MAPK6: variants seen among roughly 807,000 people sequenced by gnomAD.
MAPK6 encodes mitogen-activated protein kinase 6.
A neutral mutation model predicts 59.3 loss-of-function variants in MAPK6; 19 were observed. The ratio of observed to expected loss-of-function variants is 0.32; its 90% CI spans 0.22 to 0.47. The LOEUF (loss-of-function observed/expected upper bound fraction) is 0.47. MAPK6 is among the 20% of genes least tolerant of loss of function. The pLI is 1.00. For missense variants in MAPK6, 724 were observed against 847.9 expected (o/e 0.85, Z 1.81); for synonymous variants, 316 against 290.3 (o/e 1.09, Z -0.90).
At chr15:52,028,182 G>A (rs1416886820) in intron 1 of MAPK6, among the ~76,000 whole-genome samples, 3 of 151,954 alleles carry the variant, frequency 2.0e-5, no homozygotes, top group African/African-American at 7.3e-5. Flanking sequence ...TCGATCTCCT[G>A]ACCTTGTGAT....
chr15:52,053,980 T>C (rs1678643728), intron 3 of MAPK6, among the ~76,000 whole-genome samples: 1 of 152,080 alleles, frequency 6.6e-6, no homozygotes, highest in African/African-American at 2.4e-5. Context: ...CTTTTTCTTT[T>C]GTCTCTTTTG....
chr15:51,988,678 G>A (rs2057198598), intron 2 of MAPK6, among the ~76,000 whole-genome samples: 1 of 151,852 alleles, frequency 6.6e-6, no homozygotes, highest in South Asian at 2.1e-4. Context: ...GTTGCAATGA[G>A]CCAAGGCCAC....
At chr15:51,983,134 A>G (rs2057179671) in intron 1 of MAPK6, among the ~76,000 whole-genome samples, 1 of 152,210 alleles carries the variant, frequency 6.6e-6, no homozygotes, top group Non-Finnish European at 1.5e-5. Flanking sequence ...ATAGGAAAAC[A>G]GCCAAAAAAT....
chr15:52,064,522 A>G lies in MAPK6; in HGVS notation c.1688A>G (p.Lys563Arg), dbSNP rs759188992. ...LNSSVSQLEL[K>R]SLISKSVSQE... The stretch of plus-strand genomic sequence containing the variant: ...AGCTCAGTGTCCCAACTAGAATTGA[A>G]AAGTTTGATATCAAAGTCAGTAAGC... Residue 563 changes from lysine to arginine, a missense_variant, in exon 6 of 6, where the codon AAA (lysine) becomes AGA (arginine). Transcript: ENST00000261845. 4 of 1,609,436 alleles carry G rather than the reference A, an allele frequency of 2.5e-6. No homozygotes were observed. Among genetic ancestry groups the G allele is most frequent in the South Asian group, 2.2e-5 (2 of 90,418 alleles).
chr15:52,016,062 G>GCACACACACACA (rs1299801695), upstream of MAPK6, among the ~76,000 whole-genome samples: 6 of 59,100 alleles, frequency 1.0e-4, no homozygotes, highest in Non-Finnish European at 1.7e-4. Context: ...TCGCGCGCGC[G>GCACACACACACA]CGCGCGCGCA....
At chr15:52,045,522 C>G (rs571612911) in intron 1 of MAPK6, among the ~76,000 whole-genome samples, 16 of 152,272 alleles carry the variant, frequency 1.1e-4, no homozygotes, top group Non-Finnish European at 2.4e-4. Context: ...TCACAAAACT[C>G]AAGTTCTATA....
chr15:52,011,994 T>C (rs1452696190), intron 3 of MAPK6, among the ~76,000 whole-genome samples: 1 of 152,178 alleles, frequency 6.6e-6, no homozygotes, highest in Admixed American at 6.5e-5. Context: ...GTGGCCATTG[T>C]TTTCTGATTG....
rs79744942 is a variant in MAPK6, at chr15:52,058,810, G to A, written c.865+13G>A. ...ATTAGTCGAGAAGGTATTGTGACTCGAGAGTAACCCTCACGTTAATGCCTG... is the reference window on the plus strand; with the variant it reads ...ATTAGTCGAGAAGGTATTGTGACTCAAGAGTAACCCTCACGTTAATGCCTG... On this transcript the variant is annotated intron_variant, in intron 4 of 5. Transcript: ENST00000261845. The A allele has an allele frequency of 0.015, 23,342 of 1,602,090 alleles. 225 individuals carry two copies. The highest frequency in any genetic ancestry group is 0.017 in the Non-Finnish European group (20,042 of 1,172,772).
intron 3 of MAPK6, among the ~76,000 whole-genome samples, chr15:52,053,506 G>C (rs928355412): frequency 3.4e-4 from 51 of 152,104 alleles, no homozygotes; most frequent in African/African-American, 1.2e-3. Flanking sequence ...ACATAATTCT[G>C]AATACAAATA....
intron 1 of MAPK6, among the ~76,000 whole-genome samples, chr15:51,976,196 G>A (rs772112465): frequency 2.0e-5 from 3 of 150,046 alleles, no homozygotes; most frequent in Non-Finnish European, 4.4e-5. Flanking sequence ...AACCCGGGAG[G>A]CAGAGGTTGC....
intron 2 of MAPK6, among the ~76,000 whole-genome samples, chr15:52,000,271 G>A (rs1218346835): frequency 6.6e-6 from 1 of 152,132 alleles, no homozygotes; most frequent in African/African-American, 2.4e-5. Flanking sequence ...GTCTTCTGAA[G>A]CACAAAAGTT....
At chr15:51,996,656 A>G (rs1417653037) in intron 2 of MAPK6, among the ~76,000 whole-genome samples, 1 of 151,926 alleles carries the variant, frequency 6.6e-6, no homozygotes, top group Non-Finnish European at 1.5e-5. Context: ...TGGGCCTCCC[A>G]AAGCACTAAG....
chr15:51,999,435 A>C (rs1243387302), intron 2 of MAPK6, among the ~76,000 whole-genome samples: 1 of 152,158 alleles, frequency 6.6e-6, no homozygotes, highest in Non-Finnish European at 1.5e-5. Flanking sequence ...TCTTCTTTGG[A>C]GAAATGTCTA....
chr15:52,053,323 G>A lies in MAPK6; in HGVS notation c.700+3186G>A, dbSNP rs1470363027. ...ACTCCTAACCTGAAGTGATCTGCCCGCCTTGGCCTCCCAAAGTGCAAGGAT... is the reference window on the plus strand; with the variant it reads ...ACTCCTAACCTGAAGTGATCTGCCCACCTTGGCCTCCCAAAGTGCAAGGAT... On this transcript the variant is annotated intron_variant, in intron 3 of 5. Coordinates refer to ENST00000261845, the MANE Select transcript of MAPK6 (RefSeq NM_002748.4). 3.9e-5 allele frequency among the ~76,000 whole-genome samples: 6 copies of A among 152,112 alleles called. No individual in the cohort carries two copies. In the East Asian group the frequency reaches 7.7e-4, roughly 20 times the overall value.
At chr15:52,023,000 A>T (rs1301481087) in intron 1 of MAPK6, among the ~76,000 whole-genome samples, 1 of 143,512 alleles carries the variant, frequency 7.0e-6, no homozygotes, top group Non-Finnish European at 1.5e-5. Context: ...CCAGCTACTC[A>T]GGAGGCTGAG....
intron 1 of MAPK6, among the ~76,000 whole-genome samples, chr15:51,978,384 T>G (rs2057163173): frequency 6.6e-6 from 1 of 151,954 alleles, no homozygotes; most frequent in Non-Finnish European, 1.5e-5. Flanking sequence ...TCCACCGGCC[T>G]TGGCCTCCCA....
intron 1 of MAPK6, among the ~76,000 whole-genome samples, chr15:52,044,439 C>G (rs1168913096): frequency 6.6e-6 from 1 of 152,142 alleles, no homozygotes; most frequent in Admixed American, 6.5e-5. Context: ...ATCAGGTTTG[C>G]TCCTGCCTAG....
At chr15:52,005,671 A>T (rs2057256434) in intron 3 of MAPK6, among the ~76,000 whole-genome samples, 1 of 152,092 alleles carries the variant, frequency 6.6e-6, no homozygotes, top group Non-Finnish European at 1.5e-5. Flanking sequence ...ACATTATCTC[A>T]TGTATTCCTT....
chr15:52,047,373 TCTCA>T (rs2031625904), intron 2 of MAPK6, among the ~76,000 whole-genome samples: 1 of 152,054 alleles, frequency 6.6e-6, no homozygotes, highest in Non-Finnish European at 1.5e-5. Context: ...TGAGACAGAG[TCTCA>T]CTCTGTCACA....
Sources: gnomAD v4.1 joint callset for allele counts (sites outside exome capture counted in the v4.1 genomes callset) on GRCh38, gnomAD v4.1.1 for gene constraint, MANE v1.5 for transcripts, NCBI Gene and HGNC (gene_info 2026-07-23, HGNC 2026-07-21) for gene names.